ABTB3: variants seen among roughly 807,000 people sequenced by gnomAD.
The protein encoded by ABTB3 is ankyrin repeat- and BTB/POZ domain-containing protein 3.
chr12:107,387,441 G>C, the ABTB3 span, among the ~76,000 whole-genome samples: 1 of 152,188 alleles, frequency 6.6e-6, no homozygotes, highest in African/African-American at 2.4e-5. Flanking sequence ...TATGTGTCAA[G>C]TGCTGGGCTA....
At chr12:107,472,734 C>G in the ABTB3 span, among the ~76,000 whole-genome samples, 2 of 152,212 alleles carry the variant, frequency 1.3e-5, no homozygotes, top group African/African-American at 4.8e-5. Flanking sequence ...AGATGTTTAT[C>G]TGATGGAGCC....
At chr12:107,584,350 G>C in the ABTB3 span, among the ~76,000 whole-genome samples, 16 of 152,218 alleles carry the variant, frequency 1.1e-4, no homozygotes, top group Admixed American at 9.2e-4. Context: ...CAGATGAGAA[G>C]GCTGAGGCCC....
At chr12:107,618,490 ACACACACGTG>A in the ABTB3 span, 1 of 907,266 alleles carries the variant, frequency 1.1e-6, no homozygotes. Flanking sequence ...ACGCACATGC[ACACACACGTG>A]CACACACACA....
At chr12:107,495,796 A>G in the ABTB3 span, among the ~76,000 whole-genome samples, 2 of 152,230 alleles carry the variant, frequency 1.3e-5, no homozygotes, top group African/African-American at 2.4e-5. Context: ...CCCAGGTCAC[A>G]TAACTCTTCC....
the ABTB3 span, among the ~76,000 whole-genome samples, chr12:107,574,420 G>C: frequency 6.6e-6 from 1 of 152,180 alleles, no homozygotes; most frequent in African/African-American, 2.4e-5. Flanking sequence ...ACCTGGGAGC[G>C]CATTAGAAAT....
the ABTB3 span, among the ~76,000 whole-genome samples, chr12:107,364,091 A>G: frequency 1.3e-5 from 2 of 152,170 alleles, no homozygotes; most frequent in African/African-American, 2.4e-5. Context: ...AATGCAACCA[A>G]TGTGTACTTG....
At chr12:107,589,488 C>T in the ABTB3 span, among the ~76,000 whole-genome samples, 1 of 152,324 alleles carries the variant, frequency 6.6e-6, no homozygotes, top group Admixed American at 6.5e-5. Flanking sequence ...ATTTGGAAAG[C>T]CATCACTGGC....
the ABTB3 span, among the ~76,000 whole-genome samples, chr12:107,437,999 T>G: frequency 6.6e-6 from 1 of 152,152 alleles, no homozygotes; most frequent in African/African-American, 2.4e-5. Context: ...CAAGAGAGAC[T>G]GATTTGCATT....
At chr12:107,509,695 G>A in the ABTB3 span, among the ~76,000 whole-genome samples, 9 of 152,234 alleles carry the variant, frequency 5.9e-5, no homozygotes, top group African/African-American at 1.7e-4. Context: ...ATGCTTTTCC[G>A]AATTGGAGTA....
At chr12:107,377,648 G>A in the ABTB3 span, among the ~76,000 whole-genome samples, 1 of 152,114 alleles carries the variant, frequency 6.6e-6, no homozygotes, top group East Asian at 1.9e-4. Context: ...CTGGTTAGAC[G>A]AATAACTCTT....
the ABTB3 span, among the ~76,000 whole-genome samples, chr12:107,444,864 G>C: frequency 6.6e-6 from 1 of 152,194 alleles, no homozygotes; most frequent in Non-Finnish European, 1.5e-5. Flanking sequence ...GTGTGAATGA[G>C]AGGGAGCAAA....
chr12:107,467,548 G>T, the ABTB3 span, among the ~76,000 whole-genome samples: 4 of 152,172 alleles, frequency 2.6e-5, no homozygotes, highest in African/African-American at 9.6e-5. Flanking sequence ...TTCGAGACCC[G>T]CTTAGGAAAC....
At chr12:107,375,950 C>G in the ABTB3 span, among the ~76,000 whole-genome samples, 1 of 152,182 alleles carries the variant, frequency 6.6e-6, no homozygotes, top group Non-Finnish European at 1.5e-5. Flanking sequence ...TTTTCCAGCC[C>G]ACTTCCCCAT....
At chr12:107,583,592 T>A in the ABTB3 span, among the ~76,000 whole-genome samples, 1 of 152,170 alleles carries the variant, frequency 6.6e-6, no homozygotes, top group South Asian at 2.1e-4. Flanking sequence ...CTCTGTCCCT[T>A]TTCACAATTT....
chr12:107,321,705 G>C, the ABTB3 span, among the ~76,000 whole-genome samples: 6 of 152,116 alleles, frequency 3.9e-5, no homozygotes, highest in African/African-American at 1.2e-4. Context: ...TTCAGAATGC[G>C]GGGATTCACC....
At chr12:107,467,036 G>C in the ABTB3 span, among the ~76,000 whole-genome samples, 1 of 152,204 alleles carries the variant, frequency 6.6e-6, no homozygotes, top group Admixed American at 6.5e-5. Context: ...CTAACTCACA[G>C]TGTCTTTGAG....
At chr12:107,597,267 G>T in the ABTB3 span, among the ~76,000 whole-genome samples, 2 of 152,210 alleles carry the variant, frequency 1.3e-5, no homozygotes, top group African/African-American at 4.8e-5. Flanking sequence ...TATTAAGAGA[G>T]TAGCCATAAT....
the ABTB3 span, among the ~76,000 whole-genome samples, chr12:107,509,632 C>T: frequency 1.3e-5 from 2 of 152,178 alleles, no homozygotes; most frequent in South Asian, 2.1e-4. Flanking sequence ...CTGGGAGCTT[C>T]GGGGACACTT....
chr12:107,543,362 A>G, the ABTB3 span, among the ~76,000 whole-genome samples: 1 of 151,742 alleles, frequency 6.6e-6, no homozygotes, highest in African/African-American at 2.4e-5. Flanking sequence ...AAAAAAAGGA[A>G]AAAAAACACG....
Sources: allele counts gnomAD v4.1 joint callset (sites outside exome capture counted in the v4.1 genomes callset), GRCh38; gene constraint gnomAD v4.1.1; transcripts MANE v1.5; gene names NCBI Gene and HGNC (gene_info 2026-07-23, HGNC 2026-07-21).